The following STK17B variants were observed in gnomAD, a reference collection of about 807,000 sequenced individuals.
STK17B encodes the protein serine/threonine-protein kinase 17B.
In STK17B, 21 loss-of-function variants were observed where a neutral mutation model predicts 42.0. The observed-to-expected ratio is 0.50, with a 90% CI of 0.35 to 0.72. The LOEUF is 0.72. STK17B is among the 30% of genes least tolerant of loss of function. The pLI is 0.00. For missense variants in STK17B, 349 were observed against 446.0 expected (o/e 0.78, Z 1.96); for synonymous variants, 143 against 148.4 (o/e 0.96, Z 0.26).
rs1699407549 is a variant in STK17B, at chr2:196,136,482, C to T, written c.*965G>A. The T allele has an allele frequency of 2.0e-5, 3 of 152,516 alleles. No homozygotes were observed. Among genetic ancestry groups the T allele is most frequent in the Non-Finnish European group, 2.9e-5 (2 of 68,026 alleles). The allele number at this position is 152,516 out of a possible 1,614,324, so 9.4% of individuals were successfully genotyped here. On this transcript the variant is annotated 3_prime_UTR_variant, in exon 8 of 8. Transcript: ENST00000263955. The stretch of plus-strand genomic sequence containing the variant: ...TCGGGCACTGTGTTAATAGACCTAC[C>T]GGTGCTGTAATTTTTTATGCATACT...
chr2:196,154,477 A>AT (rs2105699778), intron 3 of STK17B: 1 of 152,378 alleles, frequency 6.6e-6, no homozygotes, highest in East Asian at 1.9e-4. Context: ...AAGGAATATC[A>AT]TAATACCTAC....
upstream of STK17B, among the ~76,000 whole-genome samples, chr2:196,175,600 C>T (rs1217069849): frequency 1.3e-5 from 2 of 152,154 alleles, no homozygotes; most frequent in Non-Finnish European, 2.9e-5. Flanking sequence ...TGCACTCCAG[C>T]TTGGGCGACA....
At chr2:196,174,294 C>G (rs1222821035), upstream of STK17B, 1 of 152,208 alleles carries the variant, frequency 6.6e-6, no homozygotes, top group Non-Finnish European at 1.5e-5. Flanking sequence ...TGGCACGACA[C>G]TCACCATATT....
At chr2:196,173,614 C>T (rs1417979201), upstream of STK17B, among the ~76,000 whole-genome samples, 1 of 152,160 alleles carries the variant, frequency 6.6e-6, no homozygotes, top group Non-Finnish European at 1.5e-5. Context: ...CAATACATTC[C>T]TCCATCCACC....
chr2:196,141,428 G>C (rs1699492243), intron 5 of STK17B, 131 bp from the exon 6 acceptor site: 10 of 671,454 alleles, frequency 1.5e-5, no homozygotes, highest in Non-Finnish European at 2.6e-5. Context: ...GGGAGGCTGA[G>C]GCAGGCAGAT....
Position 196,136,124 on chromosome 2 carries a change from CT to C in STK17B, c.*1322del. On this transcript the variant is annotated 3_prime_UTR_variant, in exon 8 of 8. Transcript: ENST00000263955. ...CAGGTTGTTGTTACCATTTGTCAAA[CT>C]ATTTCTTCTGATACAGCAACATGGT... is the stretch of plus-strand genomic sequence containing the variant. 1 of 152,178 alleles carries C rather than the reference CT, an allele frequency of 6.6e-6. No individual in the cohort carries two copies. The highest frequency in any genetic ancestry group is 1.9e-4 in the East Asian group (1 of 5,206). The allele number at this position is 152,178 out of a possible 1,614,324, so 9.4% of individuals were successfully genotyped here. A position where few individuals can be genotyped will look rare whatever the true frequency, so the allele number is the denominator to read the frequency against.
intron 2 of STK17B, among the ~76,000 whole-genome samples, chr2:196,161,267 C>G (rs532827785): frequency 6.8e-6 from 1 of 146,492 alleles, no homozygotes; most frequent in Non-Finnish European, 1.5e-5. Flanking sequence ...ATGTGAGATA[C>G]AGGAAACTTA....
intron 3 of STK17B, chr2:196,154,189 G>C (rs966008455): frequency 6.6e-6 from 1 of 152,126 alleles, no homozygotes; most frequent in East Asian, 1.9e-4. Context: ...AGCTGAGATC[G>C]CGCCACTGCA....
At chr2:196,161,174 A>T (rs1160837013) in intron 2 of STK17B, among the ~76,000 whole-genome samples, 1 of 152,172 alleles carries the variant, frequency 6.6e-6, no homozygotes, top group African/African-American at 2.4e-5. Context: ...ATTATAGGAA[A>T]GATTGCTGCG....
intron 1 of STK17B, 121 bp from the exon 2 acceptor site, chr2:196,163,548 A>G: frequency 1.3e-6 from 1 of 756,700 alleles, no homozygotes; most frequent in East Asian, 3.5e-5. Flanking sequence ...TAAAGAGCAC[A>G]TTCTATCCAC....
chr2:196,143,067 C>G (rs1053840705), intron 5 of STK17B, among the ~76,000 whole-genome samples: 1 of 152,142 alleles, frequency 6.6e-6, no homozygotes, highest in African/African-American at 2.4e-5. Flanking sequence ...ACCTCATATT[C>G]TAAAGCAGCA....
At chr2:196,175,306 A>G (rs1251470590), upstream of STK17B, among the ~76,000 whole-genome samples, 1 of 152,240 alleles carries the variant, frequency 6.6e-6, no homozygotes, top group East Asian at 1.9e-4. Context: ...AAGCAGATTC[A>G]CATTCCTAAG....
At chr2:196,176,091 T>A (rs544368971), upstream of STK17B, 1 of 152,314 alleles carries the variant, frequency 6.6e-6, no homozygotes, top group East Asian at 1.9e-4. Context: ...ACTCCGATGA[T>A]ACAGGCAAGA....
At chr2:196,148,100 CT>C (rs1559410919) in intron 3 of STK17B, among the ~76,000 whole-genome samples, 3 of 152,012 alleles carry the variant, frequency 2.0e-5, no homozygotes, top group African/African-American at 7.3e-5. Flanking sequence ...GTGTAGTTTG[CT>C]ATTAAATTTA....
upstream of STK17B, among the ~76,000 whole-genome samples, chr2:196,173,115 T>C (rs1330295579): frequency 6.6e-6 from 1 of 152,146 alleles, no homozygotes; most frequent in Non-Finnish European, 1.5e-5. Context: ...CCCAGATCAC[T>C]TCACACCTAG....
chr2:196,147,734 A>ATTTTTTTT (rs200152797), intron 3 of STK17B, among the ~76,000 whole-genome samples: 1 of 145,430 alleles, frequency 6.9e-6, no homozygotes, highest in Non-Finnish European at 1.5e-5. Context: ...GAGACATAAT[A>ATTTTTTTT]TATTTTTTTT....
At position 196,136,773 on chromosome 2, in the gene STK17B, C is replaced by A. The variant is rs192225946; in HGVS notation, c.*674G>T. On this transcript the variant is annotated 3_prime_UTR_variant, in exon 8 of 8. Coordinates refer to ENST00000263955, the MANE Select transcript of STK17B (RefSeq NM_004226.4). ...GTTGGGAGGAGGAAAAAGACATTTG[C>A]GTTAAAATACGAAGGCATGCTACTC... 9 of 152,094 alleles carry A rather than the reference C, an allele frequency of 5.9e-5. No individual in the cohort carries two copies. The highest frequency in any genetic ancestry group is 1.2e-4 in the Non-Finnish European group (8 of 68,032). The allele number at this position is 152,094 out of a possible 1,614,324, so 9.4% of individuals were successfully genotyped here.
chr2:196,148,713 C>A (rs1175493920), intron 3 of STK17B, among the ~76,000 whole-genome samples: 1 of 152,100 alleles, frequency 6.6e-6, no homozygotes, highest in South Asian at 2.1e-4. Context: ...TTAGGTAAGA[C>A]ATTTATTCTT....
rs1699377245 is a variant in STK17B, at chr2:196,135,027, A to G, written c.*2420T>C. 3 of 152,182 alleles carry G rather than the reference A, an allele frequency of 2.0e-5. No homozygotes were observed. In the South Asian group the frequency reaches 6.2e-4, roughly 31 times the overall value. The allele number at this position is 152,182 out of a possible 1,614,324, so 9.4% of individuals were successfully genotyped here. On this transcript the variant is annotated 3_prime_UTR_variant, in exon 8 of 8. Transcript: ENST00000263955. ...CAATCACTAGTTGCTTTTTTACTAT[A>G]AAACTTAATATCAGGAAAAAAGGCA...
Sources: gnomAD v4.1 joint callset for allele counts (sites outside exome capture counted in the v4.1 genomes callset) on GRCh38, gnomAD v4.1.1 for gene constraint, MANE v1.5 for transcripts, NCBI Gene and HGNC (gene_info 2026-07-23, HGNC 2026-07-21) for gene names.